NAV3: variants seen among roughly 807,000 people sequenced by gnomAD.
NAV3 encodes the protein neuron navigator 3.
NAV3 carries 87 observed loss-of-function variants against 244.7 expected under a neutral mutation model. The observed-to-expected ratio is 0.36, with a 90% CI of 0.30 to 0.42. NAV3 has a LOEUF of 0.42. NAV3 is among the 20% of genes least tolerant of loss of function. NAV3 has a pLI of 1.00. For synonymous variants in NAV3, 1,126 were observed against 1,042.2 expected, an observed-to-expected ratio of 1.08 and a Z score of -1.55; for missense variants, 2,663 against 2,893.3, an observed-to-expected ratio of 0.92 and a Z score of 1.83.
At chr12:77,692,518 G>C (rs1346316777) in intron 2 of NAV3, among the ~76,000 whole-genome samples, 24 of 151,986 alleles carry the variant, frequency 1.6e-4, no homozygotes, top group Non-Finnish European at 1.5e-5. Context: ...TACTAAGCAT[G>C]GGGTATGATA....
chr12:77,848,601 A>G (rs1877007270), intron 1 of NAV3, among the ~76,000 whole-genome samples: 1 of 152,214 alleles, frequency 6.6e-6, no homozygotes, highest in Admixed American at 6.5e-5. Context: ...CAAGTTGGAG[A>G]CACACAGGAA....
At chr12:77,830,494 A>G (rs1258157341), upstream of NAV3, among the ~76,000 whole-genome samples, 4 of 152,254 alleles carry the variant, frequency 2.6e-5, no homozygotes, top group Non-Finnish European at 5.9e-5. Flanking sequence ...TACATTCCAC[A>G]TAAGTGTTAG....
At chr12:77,846,865 C>T (rs1876723347) in intron 1 of NAV3, among the ~76,000 whole-genome samples, 1 of 152,068 alleles carries the variant, frequency 6.6e-6, no homozygotes, top group South Asian at 2.1e-4. Context: ...CTTTTTCCTA[C>T]CATTTTTAAC....
intron 2 of NAV3, among the ~76,000 whole-genome samples, chr12:77,735,458 C>A (rs1240824918): frequency 1.3e-5 from 2 of 152,032 alleles, no homozygotes; most frequent in Non-Finnish European, 2.9e-5. Context: ...ATTTGAACAA[C>A]TTAAAGATAA....
Position 77,976,345 on chromosome 12 carries a change from A to G in NAV3, c.671+7643A>G, listed in dbSNP as rs151013263. Among the ~76,000 whole-genome samples the G allele has an allele frequency of 4.1e-3, 627 of 152,324 alleles. 4 individuals carry two copies. Among genetic ancestry groups the G allele is most frequent in the African/African-American group, 0.014 (592 of 41,578 alleles). On this transcript the variant is annotated intron_variant, in intron 5 of 39. Transcript: ENST00000397909. Reference sequence around the variant, plus strand: ...AAAGCTATAAGGCTAGACATGATTAAGTCACCAAAATCTGTACATAGTTGA... The same window carrying G: ...AAAGCTATAAGGCTAGACATGATTAGGTCACCAAAATCTGTACATAGTTGA...
intron 9 of NAV3, among the ~76,000 whole-genome samples, chr12:78,031,220 T>A (rs1260018776): frequency 1.3e-5 from 2 of 152,050 alleles, no homozygotes; most frequent in Non-Finnish European, 2.9e-5. Flanking sequence ...TTTAGGTGAG[T>A]TAGGAGTTCT....
At chr12:77,682,086 C>T (rs1175097562) in intron 2 of NAV3, among the ~76,000 whole-genome samples, 2 of 152,070 alleles carry the variant, frequency 1.3e-5, no homozygotes, top group Non-Finnish European at 2.9e-5. Flanking sequence ...GCTTATTCCT[C>T]CTAACCAAAA....
intron 2 of NAV3, among the ~76,000 whole-genome samples, chr12:77,803,639 G>C (rs1592697005): frequency 3.9e-5 from 6 of 152,068 alleles, no homozygotes; most frequent in Admixed American, 3.9e-4. Flanking sequence ...TTGGGTATAT[G>C]CCCAGTAATG....
chr12:78,014,840 G>A (rs1245945188), intron 8 of NAV3, among the ~76,000 whole-genome samples: 1 of 152,088 alleles, frequency 6.6e-6, no homozygotes, highest in African/African-American at 2.4e-5. Context: ...ATATACCACA[G>A]TAATGGTTTT....
chr12:78,090,928 G>A (rs1953893420), intron 12 of NAV3, among the ~76,000 whole-genome samples: 1 of 151,256 alleles, frequency 6.6e-6, no homozygotes, highest in Admixed American at 6.6e-5. Context: ...CAAGGTGTCA[G>A]AAGTACTTCT....
intron 12 of NAV3, among the ~76,000 whole-genome samples, chr12:78,069,700 A>G (rs1952656254): frequency 6.6e-6 from 1 of 152,062 alleles, no homozygotes; most frequent in South Asian, 2.1e-4. Flanking sequence ...GCAGAATCCT[A>G]TCTGATCTGG....
chr12:77,640,398 A>G (rs1422395521), intron 2 of NAV3, among the ~76,000 whole-genome samples: 2 of 152,150 alleles, frequency 1.3e-5, no homozygotes, highest in Admixed American at 6.6e-5. Flanking sequence ...ACATAAATTG[A>G]TATCTTTTCA....
intron 2 of NAV3, among the ~76,000 whole-genome samples, chr12:77,809,074 G>A (rs1872148541): frequency 1.3e-5 from 2 of 152,190 alleles, no homozygotes; most frequent in African/African-American, 4.8e-5. Flanking sequence ...CTGGCAGTGA[G>A]AATTTCAAGC....
At chr12:77,934,332 C>T (rs767048759) in intron 1 of NAV3, among the ~76,000 whole-genome samples, 3 of 152,152 alleles carry the variant, frequency 2.0e-5, no homozygotes, top group Non-Finnish European at 4.4e-5. Flanking sequence ...ATACATCCTT[C>T]CTGTCCTGAT....
intron 2 of NAV3, among the ~76,000 whole-genome samples, chr12:77,738,840 C>A (rs1403329812): frequency 6.6e-6 from 1 of 151,896 alleles, no homozygotes; most frequent in Admixed American, 6.6e-5. Flanking sequence ...GAAACCCCGT[C>A]TCTACTAAAA....
At chr12:77,844,051 G>A (rs1442250604) in intron 1 of NAV3, among the ~76,000 whole-genome samples, 3 of 152,206 alleles carry the variant, frequency 2.0e-5, no homozygotes, top group African/African-American at 7.2e-5. Flanking sequence ...AAGATTAAGT[G>A]AGTAATGTTG....
chr12:77,594,167 A>G (rs1027234560), intron 2 of NAV3, among the ~76,000 whole-genome samples: 1 of 152,146 alleles, frequency 6.6e-6, no homozygotes, highest in African/African-American at 2.4e-5. Flanking sequence ...TATCTCACAT[A>G]TTTACAATTG....
At chr12:77,676,474 A>G (rs1465955884) in intron 2 of NAV3, among the ~76,000 whole-genome samples, 3 of 151,150 alleles carry the variant, frequency 2.0e-5, no homozygotes, top group Non-Finnish European at 4.4e-5. Flanking sequence ...CCTTCCACCA[A>G]TCTCCCAGGG....
chr12:77,888,856 G>A (rs1433399470), intron 1 of NAV3, among the ~76,000 whole-genome samples: 1 of 152,124 alleles, frequency 6.6e-6, no homozygotes, highest in Non-Finnish European at 1.5e-5. Flanking sequence ...TAGGACCGGT[G>A]TTCTTCTGCT....
Sources: allele counts gnomAD v4.1 joint callset (sites outside exome capture counted in the v4.1 genomes callset), GRCh38; gene constraint gnomAD v4.1.1; transcripts MANE v1.5; gene names NCBI Gene and HGNC (gene_info 2026-07-23, HGNC 2026-07-21).